The following XYLT1 variants were observed in gnomAD, a reference collection of about 807,000 sequenced individuals.
XYLT1 encodes xylosyltransferase 1, also known as beta-D-xylosyltransferase 1.
A neutral mutation model predicts 91.3 loss-of-function variants in XYLT1; 36 were observed. The observed-to-expected ratio is 0.39, with a 90% CI of 0.30 to 0.52. XYLT1 has a LOEUF of 0.52. Ranked by LOEUF, XYLT1 falls within the 20% of genes least tolerant of loss-of-function variation. The pLI, the probability that XYLT1 is intolerant of heterozygous loss-of-function variation, is 0.68. For missense variants in XYLT1, 1,242 were observed against 1,284.5 expected (o/e 0.97, Z 0.51); for synonymous variants, 588 against 532.0 (o/e 1.11, Z -1.45).
In XYLT1 at chr16:17,470,118, A is replaced by T. The variant is rs563210811; in HGVS notation, c.363+316T>A. On this transcript the variant is annotated intron_variant, in intron 1 of 11. Transcript: ENST00000261381. ...TCACCAAGACCTACACGCACGGAGC[A>T]AGTCACCTGGGGTCCCCAGCAAGAG... Among the ~76,000 whole-genome samples, 3 of 152,258 alleles carry T rather than the reference A, an allele frequency of 2.0e-5. No individual in the cohort carries two copies. In the East Asian group the frequency reaches 5.8e-4, roughly 30 times the overall value.
chr16:17,376,932 T>C (rs1361913952), intron 1 of XYLT1, among the ~76,000 whole-genome samples: 1 of 150,702 alleles, frequency 6.6e-6, no homozygotes, highest in Non-Finnish European at 1.5e-5. Context: ...ATCCCAGCAC[T>C]GTGGGAGGCC....
chr16:17,184,650 T>C (rs1231920431), intron 5 of XYLT1, among the ~76,000 whole-genome samples: 1 of 152,248 alleles, frequency 6.6e-6, no homozygotes, highest in Non-Finnish European at 1.5e-5. Flanking sequence ...CCATACAGGA[T>C]GGTGCTTATA....
intron 3 of XYLT1, among the ~76,000 whole-genome samples, chr16:17,202,645 T>C (rs1458107501): frequency 6.6e-6 from 1 of 152,198 alleles, no homozygotes; most frequent in African/African-American, 2.4e-5. Context: ...CCACCTCTTT[T>C]ACTCTCTTTC....
intron 2 of XYLT1, among the ~76,000 whole-genome samples, chr16:17,344,474 CAGA>C (rs922162216): frequency 7.2e-6 from 1 of 138,744 alleles, no homozygotes; most frequent in Non-Finnish European, 1.5e-5. Flanking sequence ...TCCTGGGTGA[CAGA>C]AGGAGACTCC....
At chr16:17,450,370 A>C (rs1272009684) in intron 1 of XYLT1, among the ~76,000 whole-genome samples, 4 of 152,006 alleles carry the variant, frequency 2.6e-5, no homozygotes, top group Non-Finnish European at 5.9e-5. Flanking sequence ...AACAAAAAAA[A>C]AAAGGTGAGA....
At chr16:17,348,884 GCTT>G (rs1485580353) in intron 2 of XYLT1, among the ~76,000 whole-genome samples, 1 of 152,224 alleles carries the variant, frequency 6.6e-6, no homozygotes, top group Non-Finnish European at 1.5e-5. Flanking sequence ...GATCGCTTCA[GCTT>G]CAAAGATCTT....
chr16:17,322,066 T>C (rs1363828518), intron 2 of XYLT1, among the ~76,000 whole-genome samples: 2 of 152,146 alleles, frequency 1.3e-5, no homozygotes, highest in Non-Finnish European at 2.9e-5. Context: ...CACCAAACAA[T>C]GGCTTACAAC....
At chr16:17,422,454 C>A (rs767842827) in intron 1 of XYLT1, among the ~76,000 whole-genome samples, 3 of 152,146 alleles carry the variant, frequency 2.0e-5, no homozygotes, top group Non-Finnish European at 4.4e-5. Context: ...CCACTTTGGT[C>A]TCTCAAAGTG....
At chr16:17,346,365 G>A (rs2035144318) in intron 2 of XYLT1, among the ~76,000 whole-genome samples, 1 of 152,110 alleles carries the variant, frequency 6.6e-6, no homozygotes, top group Non-Finnish European at 1.5e-5. Context: ...ATACCCAGGG[G>A]ACTGTCACTG....
At position 17,161,721 on chromosome 16, in the gene XYLT1, C is replaced by G. The variant is rs191178650; in HGVS notation, c.1290-2812G>C. On this transcript the variant is annotated intron_variant, in intron 5 of 11. Transcript: ENST00000261381. ...CTCTTCCACTCACACACGTTTCTCACTCTCTTTTTCTGGTGAAGTCATTTG... is the reference window on the plus strand; with the variant it reads ...CTCTTCCACTCACACACGTTTCTCAGTCTCTTTTTCTGGTGAAGTCATTTG... Among the ~76,000 whole-genome samples the G allele has an allele frequency of 7.9e-5, 12 of 151,700 alleles. No individual in the cohort carries two copies. The East Asian group carries it at 2.3e-3, about 29-fold the overall frequency.
intron 2 of XYLT1, among the ~76,000 whole-genome samples, chr16:17,351,128 A>G (rs1182530598): frequency 6.6e-6 from 1 of 152,174 alleles, no homozygotes; most frequent in African/African-American, 2.4e-5. Flanking sequence ...AACAGAACTC[A>G]GTTTTTAAAC....
At chr16:17,258,906 GAGA>G in intron 3 of XYLT1, 79 bp downstream of exon 3, 1 of 1,417,368 alleles carries the variant, frequency 7.1e-7, no homozygotes, top group Non-Finnish European at 9.2e-7. Context: ...CAGAAGGTCT[GAGA>G]AGGTGAGCAG....
chr16:17,271,443 C>CAG (rs1019574923), intron 2 of XYLT1, among the ~76,000 whole-genome samples: 9 of 151,904 alleles, frequency 5.9e-5, no homozygotes, highest in South Asian at 4.2e-4. Flanking sequence ...GCAAGAGACA[C>CAG]AGAGAGAGAG....
chr16:17,429,972 G>A (rs1016452641), intron 1 of XYLT1, among the ~76,000 whole-genome samples: 7 of 144,248 alleles, frequency 4.9e-5, no homozygotes, highest in Non-Finnish European at 9.0e-5. Context: ...AGTCTTGCTC[G>A]GTCGCCCAGG....
intron 1 of XYLT1, among the ~76,000 whole-genome samples, chr16:17,390,418 G>A (rs937334243): frequency 1.3e-5 from 2 of 152,212 alleles, no homozygotes; most frequent in Non-Finnish European, 2.9e-5. Context: ...GCCAAGCATG[G>A]AGGAGGCACC....
chr16:17,171,678 G>C (rs1255879441), intron 5 of XYLT1, among the ~76,000 whole-genome samples: 1 of 152,252 alleles, frequency 6.6e-6, no homozygotes, highest in Non-Finnish European at 1.5e-5. Flanking sequence ...ATTTAAATGA[G>C]ACGTTATCAC....
chr16:17,423,380 T>A (rs2036273044), intron 1 of XYLT1, among the ~76,000 whole-genome samples: 1 of 151,652 alleles, frequency 6.6e-6, no homozygotes, highest in African/African-American at 2.4e-5. Context: ...CTTCCAACAA[T>A]GGCTGGCAGT....
chr16:17,284,165 T>C, intron 2 of XYLT1, among the ~76,000 whole-genome samples: 1 of 152,216 alleles, frequency 6.6e-6, no homozygotes, highest in East Asian at 1.9e-4. Flanking sequence ...CCCTCAACAG[T>C]CCTGTTGCGA....
chr16:17,247,779 G>C (rs1056750465), intron 3 of XYLT1, among the ~76,000 whole-genome samples: 2 of 152,170 alleles, frequency 1.3e-5, no homozygotes, highest in East Asian at 3.9e-4. Context: ...GACATTGCTG[G>C]AGGCACTGAG....
Sources: allele counts gnomAD v4.1 joint callset (sites outside exome capture counted in the v4.1 genomes callset), GRCh38; gene constraint gnomAD v4.1.1; transcripts MANE v1.5; gene names NCBI Gene and HGNC (gene_info 2026-07-23, HGNC 2026-07-21).